The following SLC25A32 variants were observed in gnomAD, a reference collection of about 807,000 sequenced individuals.
SLC25A32 encodes the protein solute carrier family 25 member 32.
Under a neutral mutation model 39.0 loss-of-function variants are expected in SLC25A32, and 32 were observed. The observed-to-expected ratio is 0.82, with a 90% CI of 0.62 to 1.10. The LOEUF is 1.10. Ranked by LOEUF, SLC25A32 falls within the 50% of genes least tolerant of loss-of-function variation. The pLI, the probability that SLC25A32 is intolerant of heterozygous loss-of-function variation, is 0.00. For missense variants in SLC25A32, 367 were observed against 395.3 expected, an observed-to-expected ratio of 0.93 and a Z score of 0.61; for synonymous variants, 166 against 152.4, an observed-to-expected ratio of 1.09 and a Z score of -0.66.
Position 103,414,973 on chromosome 8 carries a change from C to T in SLC25A32, c.-36G>A. ...CCCGTCGACACCACGGCGCCCAGGG[C>T]CGCGGAGGTGGGACGCGATGCAGTG... On this transcript the variant is annotated 5_prime_UTR_variant, in exon 1 of 7. Transcript: ENST00000297578. The T allele has an allele frequency of 1.9e-6, 3 of 1,581,814 alleles. No individual in the cohort carries two copies. Among genetic ancestry groups the T allele is most frequent in the Middle Eastern group, 1.7e-4 (1 of 5,966 alleles).
chr8:103,401,742 C>A (rs1051230061), intron 5 of SLC25A32, 81 bp from the exon 6 acceptor site: 83 of 1,250,348 alleles, frequency 6.6e-5, no homozygotes, highest in Non-Finnish European at 7.6e-5. Flanking sequence ...ATACAAAAAA[C>A]ATTTAAATGG....
Position 103,403,422 on chromosome 8 carries a change from A to G in SLC25A32, c.392-98T>C, listed in dbSNP as rs1816262736. 3.7e-6 allele frequency: 3 copies of G among 804,504 alleles called. No homozygotes were observed. In the East Asian group the frequency reaches 8.0e-5, roughly 21 times the overall value. The allele number at this position is 804,504 out of a possible 1,614,324, so 49.8% of individuals were successfully genotyped here. ...AGTACATTTATGTAAAAAAAAAAAA[A>G]AAAAAAAAGATAATGCACAGGACCA... On this transcript the variant is annotated intron_variant, in intron 3 of 6. Coordinates refer to ENST00000297578, the MANE Select transcript of SLC25A32 (RefSeq NM_030780.5).
chr8:103,404,734 A>G (rs1816291495), intron 3 of SLC25A32, 42 bp downstream of exon 3: 1 of 1,438,482 alleles, frequency 7.0e-7, no homozygotes, highest in African/African-American at 1.4e-5. Context: ...CTGAAAATTA[A>G]GTTTGGAAGG....
intron 3 of SLC25A32, among the ~76,000 whole-genome samples, chr8:103,404,548 T>G (rs1396643450): frequency 2.6e-5 from 4 of 151,354 alleles, no homozygotes; most frequent in Non-Finnish European, 2.9e-5. Context: ...TGAGCCGAGA[T>G]AGCGCCACCG....
At chr8:103,403,086 GTCATT>G in intron 4 of SLC25A32, 73 bp downstream of exon 4, 1 of 1,006,282 alleles carries the variant, frequency 9.9e-7, no homozygotes, top group Non-Finnish European at 1.4e-6. Flanking sequence ...CTTACTATAG[GTCATT>G]CAGAACTAAG....
rs527567518 is a variant in SLC25A32, at chr8:103,399,535, A to G, written c.*876T>C. ...AGTATATAGTTTCTCAATTTTCGCT[A>G]GGTAGTGCATCCCAACTGAATTAAA... On this transcript the variant is annotated 3_prime_UTR_variant, in exon 7 of 7. Transcript: ENST00000297578. 6.6e-6 allele frequency: 1 copy of G among 152,344 alleles called. No homozygotes were observed. Among genetic ancestry groups the G allele is most frequent in the Non-Finnish European group, 1.5e-5 (1 of 68,042 alleles). The allele number at this position is 152,344 out of a possible 1,614,324, so 9.4% of individuals were successfully genotyped here.
At chr8:103,409,137 A>T (rs1171380078) in intron 1 of SLC25A32, among the ~76,000 whole-genome samples, 1 of 152,238 alleles carries the variant, frequency 6.6e-6, no homozygotes, top group Admixed American at 6.5e-5. Context: ...AGTATCAATT[A>T]TTTACTGCTT....
chr8:103,410,006 A>T (rs1816426114), intron 1 of SLC25A32, among the ~76,000 whole-genome samples: 1 of 152,152 alleles, frequency 6.6e-6, no homozygotes, highest in African/African-American at 2.4e-5. Context: ...CATAGTTTAT[A>T]AACTTTCTGA....
rs116413229 is a variant in SLC25A32 at position 103,403,768 on chromosome 8, T to C, written c.392-444A>G. ...CCCAATAATCTGTGCATGTGACACA[T>C]ATATCTACCCCAACTTTATCACAAT... On this transcript the variant is annotated intron_variant, in intron 3 of 6. Coordinates refer to ENST00000297578, the MANE Select transcript of SLC25A32 (RefSeq NM_030780.5). Among the ~76,000 whole-genome samples the C allele has an allele frequency of 2.2e-3, 337 of 152,298 alleles. 5 individuals carry two copies. The highest frequency in any genetic ancestry group is 7.5e-3 in the African/African-American group (313 of 41,562).
intron 1 of SLC25A32, 21 bp downstream of exon 1, chr8:103,414,763 G>C (rs1450639299): frequency 1.2e-6 from 2 of 1,613,212 alleles, no homozygotes; most frequent in Non-Finnish European, 1.7e-6. Context: ...GATGCAGCCC[G>C]GTGTCTGGGC....
rs1483307932 is a variant in SLC25A32, at chr8:103,399,159, G to A, written c.*1252C>T. On this transcript the variant is annotated 3_prime_UTR_variant, in exon 7 of 7. Transcript: ENST00000297578. Reference sequence around the variant, plus strand: ...AATTTGTATTTCAACCTGAATTTGAGAAACCAATGAAGATTAATCATTTAT... The same window carrying A: ...AATTTGTATTTCAACCTGAATTTGAAAAACCAATGAAGATTAATCATTTAT... The A allele has an allele frequency of 6.6e-6, 1 of 152,108 alleles. No homozygotes were observed. Among genetic ancestry groups the A allele is most frequent in the Non-Finnish European group, 1.5e-5 (1 of 68,008 alleles). 9.4% of individuals were successfully genotyped at this position (152,108 alleles called of 1,614,324 possible).
intron 1 of SLC25A32, among the ~76,000 whole-genome samples, chr8:103,409,767 C>A (rs1816420847): frequency 6.6e-6 from 1 of 152,172 alleles, no homozygotes; most frequent in South Asian, 2.1e-4. Context: ...AACCTGCCAA[C>A]GTTACAGCAT....
Position 103,398,902 on chromosome 8 carries a change from A to T in SLC25A32, c.*1509T>A, listed in dbSNP as rs1158527820. The T allele has an allele frequency of 6.6e-6, 1 of 152,228 alleles. No homozygotes were observed. The highest frequency in any genetic ancestry group is 1.5e-5 in the Non-Finnish European group (1 of 68,034). The allele number at this position is 152,228 out of a possible 1,614,324, so 9.4% of individuals were successfully genotyped here. A position where few individuals can be genotyped will look rare whatever the true frequency, so the allele number is the denominator to read the frequency against. On this transcript the variant is annotated 3_prime_UTR_variant, in exon 7 of 7. Transcript: ENST00000297578. The stretch of plus-strand genomic sequence containing the variant: ...TACTTACCATTTTATCTTTACTTTA[A>T]AAACAATGCCTTTTCCAAAATATAA...
intron 4 of SLC25A32, 55 bp downstream of exon 4, chr8:103,403,109 A>T: frequency 7.6e-7 from 1 of 1,311,518 alleles, no homozygotes; most frequent in Non-Finnish European, 1.0e-6. Context: ...AAGACAACAG[A>T]GCCAACGGAA....
chr8:103,404,858 G>A lies in SLC25A32; in HGVS notation c.309C>T (p.Tyr103=). Residue 103 remains tyrosine (Y), a synonymous_variant, in exon 3 of 7, where the codon TAC becomes TAT. Transcript: ENST00000297578. ...CTGTTTTATATGACTTGATGGCATT[G>A]TAACTAAAAGAATTAAATGTGAGCA... ...GLSWGLYFFF[Y]NAIKSYKTEG... The A allele has an allele frequency of 6.2e-7, 1 of 1,603,986 alleles. No individual in the cohort carries two copies. The highest frequency in any genetic ancestry group is 1.1e-5 in the South Asian group (1 of 90,812).
At chr8:103,405,124 G>C (rs1296704613) in intron 2 of SLC25A32, among the ~76,000 whole-genome samples, 1 of 152,126 alleles carries the variant, frequency 6.6e-6, no homozygotes, top group African/African-American at 2.4e-5. Context: ...AAAAGACAAG[G>C]AAACTGGGAG....
intron 3 of SLC25A32, among the ~76,000 whole-genome samples, chr8:103,403,835 A>C (rs1342019813): frequency 6.6e-6 from 1 of 152,222 alleles, no homozygotes; most frequent in Non-Finnish European, 1.5e-5. Context: ...CAAAAATTAA[A>C]TAATTATGTA....
At chr8:103,406,092 TATAC>T (rs1816326398) in intron 2 of SLC25A32, among the ~76,000 whole-genome samples, 1 of 149,976 alleles carries the variant, frequency 6.7e-6, no homozygotes, top group Non-Finnish European at 1.5e-5. Flanking sequence ...CACACACACA[TATAC>T]ATAAACATAT....
Position 103,404,835 on chromosome 8 carries a change from G to A in SLC25A32, c.332C>T (p.Thr111Ile), listed in dbSNP as rs1816294492. The A allele has an allele frequency of 6.2e-7, 1 of 1,612,558 alleles. No homozygotes were observed. Among genetic ancestry groups the A allele is most frequent in the South Asian group, 1.1e-5 (1 of 91,022 alleles). Reference sequence around the variant, plus strand: ...CTCTAAACGTTCAGCTCTTCCTTCTGTTTTATATGACTTGATGGCATTGTA... The same window carrying A: ...CTCTAAACGTTCAGCTCTTCCTTCTATTTTATATGACTTGATGGCATTGTA... ...FFYNAIKSYK[T>I]EGRAERLEAT... is the part of the protein sequence containing the mutation. The change falls in exon 3 of 7, where the codon ACA becomes ATA. Residue 111 changes from threonine to isoleucine, a missense_variant. Transcript: ENST00000297578.
Sources: allele counts gnomAD v4.1 joint callset (sites outside exome capture counted in the v4.1 genomes callset), GRCh38; gene constraint gnomAD v4.1.1; transcripts MANE v1.5; gene names NCBI Gene and HGNC (gene_info 2026-07-23, HGNC 2026-07-21).